EPS8L1: variants seen among roughly 807,000 people sequenced by gnomAD.
The protein encoded by EPS8L1 is epidermal growth factor receptor kinase substrate 8-like protein 1.
Under a neutral mutation model 91.7 loss-of-function variants are expected in EPS8L1, and 101 were observed. That is an observed-to-expected ratio of 1.10 (90% CI 0.94 to 1.30). The LOEUF is 1.30. Among genes scored for constraint, EPS8L1 ranks in the 50% most tolerant of loss-of-function variants. The pLI is 0.00. For synonymous variants in EPS8L1, 506 were observed against 445.3 expected (o/e 1.14, Z -1.72); for missense variants, 1,114 against 1,017.0 (o/e 1.10, Z -1.30).
Position 55,081,847 on chromosome 19 carries a change from G to A in EPS8L1, c.849G>A (p.Arg283=). Residue 283 remains arginine (R), a synonymous_variant, in exon 9 of 20, where the codon AGG becomes AGA. Coordinates refer to ENST00000201647, the MANE Select transcript of EPS8L1 (RefSeq NM_133180.3). This position sits in a 1 kb window ranked among gnomAD's most constrained non-coding sequence, Gnocchi z 4.9. ...SRLQKSAEAA[R]VLEHRERGRR... Reference sequence around the variant, plus strand: ...TGCAGAAGTCGGCGGAGGCGGCCAGGGTGCTGGAGCACCGGGAACGCGGCC... The same window carrying A: ...TGCAGAAGTCGGCGGAGGCGGCCAGAGTGCTGGAGCACCGGGAACGCGGCC... 2 of 1,611,780 alleles carry A rather than the reference G, an allele frequency of 1.2e-6. No individual in the cohort carries two copies. Among genetic ancestry groups the A allele is most frequent in the Non-Finnish European group, 8.5e-7 (1 of 1,178,770 alleles).
At chr19:55,080,024 C>A in intron 5 of EPS8L1, 105 bp from the exon 6 acceptor site, 1 of 1,443,894 alleles carries the variant, frequency 6.9e-7, no homozygotes, top group Non-Finnish European at 9.1e-7. Flanking sequence ...TCCCTAACCC[C>A]CTAACCGCCT....
At position 55,086,484 on chromosome 19, in the gene EPS8L1, C is replaced by T. The variant is rs1341701873; in HGVS notation, c.1743C>T (p.Cys581=). Residue 581 remains cysteine (C), a synonymous_variant, in exon 17 of 20, where the codon TGC becomes TGT. Coordinates refer to ENST00000201647, the MANE Select transcript of EPS8L1 (RefSeq NM_133180.3). ...GGGACAGGCCCCGCTGGGACAGCTGCGATAGCCTCAACGGCTTGGACCCCA... is the reference window on the plus strand; with the variant it reads ...GGGACAGGCCCCGCTGGGACAGCTGTGATAGCCTCAACGGCTTGGACCCCA... ...PRWDRPRWDS[C]DSLNGLDPSE... The T allele has an allele frequency of 2.6e-6, 4 of 1,551,634 alleles. No individual in the cohort carries two copies. The African/African-American group carries it at 4.1e-5, about 16-fold the overall frequency.
rs1280484632 is a variant in EPS8L1, at chr19:55,081,854, G to T, written c.856G>T (p.Glu286Ter). The change falls in exon 9 of 20, where the codon GAG becomes TAG. Residue 286 changes from glutamate (E) to a stop codon, truncating the protein, a stop_gained. Transcript: ENST00000201647. LOFTEE classifies it high-confidence loss of function. The surrounding 1 kb of genome is among the most constrained non-coding windows in gnomAD (Gnocchi z 4.9). The stretch of plus-strand genomic sequence containing the variant: ...GTCGGCGGAGGCGGCCAGGGTGCTG[G>T]AGCACCGGGAACGCGGCCGCAGGAG... ...QKSAEAARVL[E>*]HRERGRRSRR... 2 of 1,611,176 alleles carry T rather than the reference G, an allele frequency of 1.2e-6. No homozygotes were observed. The highest frequency in any genetic ancestry group is 4.5e-5 in the East Asian group (2 of 44,774).
intron 5 of EPS8L1, 56 bp downstream of exon 5, chr19:55,079,907 T>C (rs1172526877): frequency 6.5e-7 from 1 of 1,534,252 alleles, no homozygotes; most frequent in African/African-American, 1.4e-5. Context: ...TCAGGGGGTC[T>C]GGGTGTGAAT....
At chr19:55,082,206 G>A in intron 10 of EPS8L1, 26 bp downstream of exon 10, 1 of 1,590,088 alleles carries the variant, frequency 6.3e-7, no homozygotes, top group East Asian at 2.3e-5. Context: ...CCCCTGGGCC[G>A]GGGCGCGGGC....
In EPS8L1 at chr19:55,082,887, G is replaced by T. The variant is rs73932295; in HGVS notation, c.1214+285G>T. On this transcript the variant is annotated intron_variant, in intron 12 of 19. Transcript: ENST00000201647. ...GGCTAGGGGCTACGGGGCAGGGGCG[G>T]GGCTACGCGAAGGGGCGGGGCTTCT... Among the ~76,000 whole-genome samples, 542 of 151,968 alleles carry T rather than the reference G, an allele frequency of 3.6e-3. 9 individuals are homozygous for T. Among genetic ancestry groups the T allele is most frequent in the African/African-American group, 0.012 (503 of 41,420 alleles).
intron 6 of EPS8L1, 195 bp downstream of exon 6, chr19:55,080,473 A>G (rs1281199498): frequency 1.4e-5 from 22 of 1,613,618 alleles, no homozygotes; most frequent in Non-Finnish European, 1.2e-5. Flanking sequence ...TCAAGATAGA[A>G]CATGAAGGTG....
Position 55,087,633 on chromosome 19 carries a change from C to G in EPS8L1, c.*19C>G. On this transcript the variant is annotated 3_prime_UTR_variant, in exon 20 of 20. Coordinates refer to ENST00000201647, the MANE Select transcript of EPS8L1 (RefSeq NM_133180.3). ...CATTTGACCTGCCAGGCGCCCTTCG[C>G]AAAGAGTGACGAGGCCCCGTGGGAG... The G allele has an allele frequency of 6.2e-7, 1 of 1,613,344 alleles. No individual in the cohort carries two copies. Among genetic ancestry groups the G allele is most frequent in the East Asian group, 2.2e-5 (1 of 44,860 alleles).
Position 55,086,777 on chromosome 19 carries a change from C to A in EPS8L1, c.1841C>A (p.Ser614Ter), listed in dbSNP as rs771461834. 6.2e-7 allele frequency: 1 copy of A among 1,608,956 alleles called. No homozygotes were observed. Among genetic ancestry groups the A allele is most frequent in the Non-Finnish European group, 8.5e-7 (1 of 1,178,430 alleles). ...ELQARLAQGR[S>*]GPSRAVPGPR... ...CAGGCGCGCCTGGCCCAGGGCCGCT[C>A]GGGACCGAGCCGCGCAGTCCCAGGG... The change falls in exon 18 of 20, where the codon TCG (serine) becomes TAG (stop). Residue 614 changes from serine to a stop codon, truncating the protein, a stop_gained. Coordinates refer to ENST00000201647, the MANE Select transcript of EPS8L1 (RefSeq NM_133180.3). LOFTEE classifies it high-confidence loss of function.
At chr19:55,087,048 C>A (rs2076360392) in intron 18 of EPS8L1, 160 bp downstream of exon 18, 2 of 1,084,826 alleles carry the variant, frequency 1.8e-6, no homozygotes, top group Non-Finnish European at 2.5e-6. Flanking sequence ...CAATGGCAGG[C>A]TGTGATTGCC....
chr19:55,075,921 T>C lies in EPS8L1; in HGVS notation c.-38+2T>C. On this transcript the variant is annotated splice_donor_variant, in intron 1 of 19. Coordinates refer to ENST00000201647, the MANE Select transcript of EPS8L1 (RefSeq NM_133180.3). LOFTEE classifies it low-confidence loss of function (5UTR_SPLICE). ...GCAGGGCAGAGCCTGAGCAGGCAGG[T>C]AAGGAGATCCGGGTCAGGAGAGAAG... 1 of 156,602 alleles carries C rather than the reference T, an allele frequency of 6.4e-6. No homozygotes were observed. The highest frequency in any genetic ancestry group is 1.4e-5 in the Non-Finnish European group (1 of 71,216). 9.7% of individuals were successfully genotyped at this position (156,602 alleles called of 1,614,324 possible). A position where few individuals can be genotyped will look rare whatever the true frequency, so the allele number is the denominator to read the frequency against.
intron 6 of EPS8L1, 78 bp downstream of exon 6, chr19:55,080,356 T>C: frequency 6.5e-7 from 1 of 1,545,590 alleles, no homozygotes; most frequent in Non-Finnish European, 8.7e-7. Flanking sequence ...GGGTGGGGCC[T>C]CTAGGTGGGG....
intron 6 of EPS8L1, chr19:55,080,501 G>C: frequency 6.2e-7 from 1 of 1,613,802 alleles, no homozygotes; most frequent in African/African-American, 1.3e-5. Flanking sequence ...GACATGAACA[G>C]AACATGGCCA....
chr19:55,086,726 AGATGCTCATCGTCAAC>A lies in EPS8L1; in HGVS notation c.1793_1808del (p.Met598ArgfsTer57). ...TTCCCGCCTGCAGAGAAATTCTCCC[AGATGCTCATCGTCAAC>A]GAGGAACTGCAGGCGCGCCTGGCCC... is the stretch of plus-strand genomic sequence containing the variant. On this transcript the variant is annotated frameshift_variant, in exon 18 of 20. Transcript: ENST00000201647. LOFTEE classifies it high-confidence loss of function. The A allele has an allele frequency of 6.8e-7, 1 of 1,476,470 alleles. No individual in the cohort carries two copies. The highest frequency in any genetic ancestry group is 9.1e-7 in the Non-Finnish European group (1 of 1,094,210). The allele number at this position is 1,476,470 out of a possible 1,614,324, so 91.5% of individuals were successfully genotyped here.
At position 55,081,567 on chromosome 19, in the gene EPS8L1, C is replaced by T. The variant is rs2147144631; in HGVS notation, c.774+75C>T. On this transcript the variant is annotated intron_variant, in intron 8 of 19. Transcript: ENST00000201647. The surrounding 1 kb of genome is among the most constrained non-coding windows in gnomAD (Gnocchi z 4.9). The stretch of plus-strand genomic sequence containing the variant: ...GGGGCTAGGGCGTGGAAGGGCGGGG[C>T]CGGCTGCGGGACGGGCGTTCTCTGG... 4 of 1,465,538 alleles carry T rather than the reference C, an allele frequency of 2.7e-6. No homozygotes were observed. The highest frequency in any genetic ancestry group is 3.6e-6 in the Non-Finnish European group (4 of 1,108,736). 90.8% of individuals were successfully genotyped at this position (1,465,538 alleles called of 1,614,324 possible). A position where few individuals can be genotyped will look rare whatever the true frequency, so the allele number is the denominator to read the frequency against.
At chr19:55,080,407 A>G (rs1470009446) in intron 6 of EPS8L1, 129 bp downstream of exon 6, 35 of 1,581,756 alleles carry the variant, frequency 2.2e-5, no homozygotes, top group Non-Finnish European at 2.8e-5. Flanking sequence ...AAGGAAGGGC[A>G]GGGGACCTGG....
chr19:55,080,951 C>CA, intron 7 of EPS8L1, 97 bp downstream of exon 7: 1 of 1,216,912 alleles, frequency 8.2e-7, no homozygotes, highest in Non-Finnish European at 1.1e-6. Context: ...AAGAGTTTTG[C>CA]ATGGAGTCAA....
intron 2 of EPS8L1, among the ~76,000 whole-genome samples, chr19:55,077,021 G>C (rs997973126): frequency 6.6e-6 from 1 of 152,192 alleles, no homozygotes. Flanking sequence ...TCAAATTGTG[G>C]TGACATCAGA....
intron 14 of EPS8L1, 86 bp from the exon 15 acceptor site, chr19:55,085,755 C>G: frequency 6.6e-7 from 1 of 1,503,974 alleles, no homozygotes; most frequent in Non-Finnish European, 8.9e-7. Context: ...CAGCTTGGCT[C>G]TAACCCCAGC....
Sources: allele counts gnomAD v4.1 joint callset (sites outside exome capture counted in the v4.1 genomes callset), GRCh38; gene constraint gnomAD v4.1.1; non-coding constraint Gnocchi (gnomAD v3.1); transcripts MANE v1.5; gene names NCBI Gene and HGNC (gene_info 2026-07-23, HGNC 2026-07-21).